Variants in DSE observed in about 807,000 individuals in gnomAD.
The protein encoded by DSE is dermatan sulfate epimerase, also known as dermatan-sulfate epimerase.
DSE carries 36 observed loss-of-function variants against 84.4 expected under a neutral mutation model. The observed-to-expected ratio is 0.43, with a 90% confidence interval of 0.33 to 0.56. DSE has a LOEUF of 0.56. Ranked by LOEUF, DSE falls within the 20% of genes least tolerant of loss-of-function variation. DSE has a pLI of 0.06. For synonymous variants in DSE, 410 were observed against 430.1 expected (o/e 0.95, Z 0.58); for missense variants, 862 against 1,169.6 (o/e 0.74, Z 3.84).
chr6:116,425,613 A>AT (rs869187005), intron 2 of DSE, among the ~76,000 whole-genome samples: 20 of 83,234 alleles, frequency 2.4e-4, no homozygotes, highest in African/African-American at 5.8e-4. Context: ...TATTTTATTT[A>AT]TTTTTATTTT....
chr6:116,315,357 T>C lies in DSE; in HGVS notation c.-54+56390T>C, dbSNP rs572482323. 4.0e-5 allele frequency among the ~76,000 whole-genome samples: 6 copies of C among 151,608 alleles called. No individual in the cohort carries two copies. The South Asian group carries it at 1.2e-3, about 32-fold the overall frequency. The stretch of plus-strand genomic sequence containing the variant: ...ATATATATATATATATATTCTTTTG[T>C]ATGCTTTATATTTTTGTTATTTTGT... On this transcript the variant is annotated intron_variant, in intron 2 of 3. Transcript: ENST00000430252.
intron 2 of DSE, among the ~76,000 whole-genome samples, chr6:116,289,092 A>G (rs1270205261): frequency 6.6e-6 from 1 of 152,080 alleles, no homozygotes; most frequent in Admixed American, 6.6e-5. Context: ...ATTACCCTTC[A>G]GAGAGAGGAA....
At chr6:116,265,234 T>A (rs1582908739) in intron 2 of DSE, among the ~76,000 whole-genome samples, 1 of 152,108 alleles carries the variant, frequency 6.6e-6, no homozygotes. Context: ...TGGTGTTGAC[T>A]CAGGGGTGGG....
At chr6:116,369,863 T>C, upstream of DSE, 1 of 1,268,588 alleles carries the variant, frequency 7.9e-7, no homozygotes, top group South Asian at 1.2e-5. Flanking sequence ...TGGATGGAGG[T>C]GCCCTTCAGA....
In DSE at chr6:116,280,068, A is replaced by G. The variant is rs553959738; in HGVS notation, c.-54+21101A>G. ...TTATTTCTGTGAATTTACCCATAGC[A>G]ACAGTAATTTTACCTACGTAAATAA... On this transcript the variant is annotated intron_variant, in intron 2 of 3. Transcript: ENST00000430252. 4.8e-6 allele frequency: 3 copies of G among 623,076 alleles called. No homozygotes were observed. In the East Asian group the frequency reaches 8.7e-5, roughly 18 times the overall value. The allele number at this position is 623,076 out of a possible 1,614,324, so 38.6% of individuals were successfully genotyped here. A position where few individuals can be genotyped will look rare whatever the true frequency, so the allele number is the denominator to read the frequency against.
chr6:116,394,551 T>G (rs999084935), intron 1 of DSE, among the ~76,000 whole-genome samples: 1 of 152,094 alleles, frequency 6.6e-6, no homozygotes, highest in Non-Finnish European at 1.5e-5. Flanking sequence ...TCCTCCTGCC[T>G]CAGCCTCCCG....
rs575854700 is a variant in DSE at position 116,323,602 on chromosome 6, G to T, written c.-54+64635G>T. Among the ~76,000 whole-genome samples the T allele has an allele frequency of 2.6e-5, 4 of 152,228 alleles. No homozygotes were observed. In the East Asian group the frequency reaches 7.7e-4, roughly 29 times the overall value. ...ATTATGATCTATTTTACTCATTTTA[G>T]TTCTAAGGGTAATGGAATTTCATGT... On this transcript the variant is annotated intron_variant, in intron 2 of 3. Transcript: ENST00000430252.
intron 2 of DSE, chr6:116,399,888 C>T (rs1360178637): frequency 1.9e-6 from 1 of 526,512 alleles, no homozygotes; most frequent in Non-Finnish European, 3.3e-6. Flanking sequence ...TTAGATGCAG[C>T]CTAATCTAAA....
At chr6:116,325,927 T>C (rs1776591982) in intron 2 of DSE, among the ~76,000 whole-genome samples, 1 of 152,144 alleles carries the variant, frequency 6.6e-6, no homozygotes, top group Non-Finnish European at 1.5e-5. Context: ...GAGAGGATCG[T>C]GATCGAGTGA....
At chr6:116,341,159 C>A (rs1339012552) in intron 2 of DSE, among the ~76,000 whole-genome samples, 1 of 152,170 alleles carries the variant, frequency 6.6e-6, no homozygotes, top group East Asian at 1.9e-4. Flanking sequence ...TGTTTCCTGA[C>A]TTTTTAATGA....
At chr6:116,317,181 T>C (rs1436764729) in intron 2 of DSE, among the ~76,000 whole-genome samples, 1 of 152,184 alleles carries the variant, frequency 6.6e-6, no homozygotes, top group Admixed American at 6.5e-5. Context: ...AGCCAACTAT[T>C]AGAGGAGTCA....
At chr6:116,291,676 AAAT>A (rs1774287331) in intron 2 of DSE, among the ~76,000 whole-genome samples, 1 of 152,090 alleles carries the variant, frequency 6.6e-6, no homozygotes, top group African/African-American at 2.4e-5. Context: ...CAGTGTCAGA[AAAT>A]AATATTAATT....
Position 116,436,900 on chromosome 6 carries a change from G to A in DSE, c.2432G>A (p.Arg811Lys). The A allele has an allele frequency of 6.2e-7, 1 of 1,614,068 alleles. No individual in the cohort carries two copies. Among genetic ancestry groups the A allele is most frequent in the Non-Finnish European group, 8.5e-7 (1 of 1,180,016 alleles). Residue 811 changes from arginine to lysine, a missense_variant, in exon 6 of 6, where the codon AGG becomes AAG. Physicochemically the swap from Arg to Lys is conservative, Grantham distance 26. Around this residue, in one of 4 missense-constraint regions of DSE, gnomAD observed 315 missense variants for 348.1 expected, o/e 0.90. Coordinates refer to ENST00000644252, the MANE Select transcript of DSE (RefSeq NM_013352.4). ...CAAAGCAAGTCAAAGAAAAACCGAA[G>A]GGCAGGCAAACGCTATAAATTTGTG... ...QQQSKSKKNRRAGKRYKFVDA... is the reference protein window; with the variant it reads ...QQQSKSKKNRKAGKRYKFVDA...
rs573170094 is a variant in DSE, at chr6:116,331,741, G to A, written c.-53-67457G>A. On this transcript the variant is annotated intron_variant, in intron 2 of 3. Coordinates refer to the DSE transcript ENST00000430252. Reference sequence around the variant, plus strand: ...TGGGAGGCAGAGGCAAGCAGATCACGAAGTCAGGGAATCGAGACCATCATG... The same window carrying A: ...TGGGAGGCAGAGGCAAGCAGATCACAAAGTCAGGGAATCGAGACCATCATG... Among the ~76,000 whole-genome samples the A allele has an allele frequency of 2.4e-4, 37 of 152,230 alleles. No individual in the cohort carries two copies. In the South Asian group the frequency reaches 7.5e-3, roughly 31 times the overall value.
chr6:116,432,328 A>T (rs1783895248), intron 4 of DSE, among the ~76,000 whole-genome samples: 1 of 152,230 alleles, frequency 6.6e-6, no homozygotes, highest in Non-Finnish European at 1.5e-5. Flanking sequence ...TAAGAGCAGC[A>T]TTTATATGTT....
At chr6:116,355,782 T>G (rs902957107) in intron 2 of DSE, 1 of 152,184 alleles carries the variant, frequency 6.6e-6, no homozygotes, top group Admixed American at 6.5e-5. Flanking sequence ...CAGCTGCAGC[T>G]CCATCAAGGC....
At chr6:116,261,165 G>C (rs539559020) in intron 2 of DSE, among the ~76,000 whole-genome samples, 1 of 152,136 alleles carries the variant, frequency 6.6e-6, no homozygotes, top group Non-Finnish European at 1.5e-5. Context: ...GCAGTGTTTT[G>C]TCGTTATCCT....
chr6:116,270,230 CATT>C (rs1772822044), intron 2 of DSE, among the ~76,000 whole-genome samples: 1 of 152,120 alleles, frequency 6.6e-6, no homozygotes, highest in Admixed American at 6.5e-5. Flanking sequence ...ACATTTCCCT[CATT>C]GTTGATGAAA....
Position 116,439,552 on chromosome 6 carries a change from T to G in DSE, c.*2207T>G, listed in dbSNP as rs1005677084. 1 of 151,830 alleles carries G rather than the reference T, an allele frequency of 6.6e-6. No individual in the cohort carries two copies. The highest frequency in any genetic ancestry group is 2.4e-5 in the African/African-American group (1 of 41,312). 9.4% of individuals were successfully genotyped at this position (151,830 alleles called of 1,614,324 possible). A position where few individuals can be genotyped will look rare whatever the true frequency, so the allele number is the denominator to read the frequency against. On this transcript the variant is annotated 3_prime_UTR_variant, in exon 6 of 6. Transcript: ENST00000644252. The stretch of plus-strand genomic sequence containing the variant: ...TGAAACAAATCACCCCTCTTCATAA[T>G]GAAACATGTTTTTTTTAATCAGGGA...
Sources: gnomAD v4.1 joint callset for allele counts (sites outside exome capture counted in the v4.1 genomes callset) on GRCh38, gnomAD v4.1.1 for gene constraint, gnomAD v4.1.1 regional missense constraint, MANE v1.5 for transcripts, NCBI Gene and HGNC (gene_info 2026-07-23, HGNC 2026-07-21) for gene names.